Variants in GPC5 observed in about 807,000 individuals in gnomAD.
The protein encoded by GPC5 is glypican 5.
In GPC5, 47 loss-of-function variants were observed where a neutral mutation model predicts 53.9. The ratio of observed to expected loss-of-function variants is 0.87; its 90% CI spans 0.69 to 1.11. GPC5 has a LOEUF of 1.11. Ranked by LOEUF, GPC5 falls within the 50% of genes most tolerant of loss-of-function variation. The probability of loss-of-function intolerance (pLI) is 0.00; values close to 1 mark genes in which losing one functional copy is unlikely to be tolerated. For missense variants in GPC5, 748 were observed against 713.1 expected (o/e 1.05, Z -0.56); for synonymous variants, 286 against 263.3 (o/e 1.09, Z -0.84).
chr13:92,810,409 C>G (rs1319117420), intron 7 of GPC5, among the ~76,000 whole-genome samples: 1 of 151,580 alleles, frequency 6.6e-6, no homozygotes, highest in Non-Finnish European at 1.5e-5. Flanking sequence ...AGAAGACTAC[C>G]CAGAAAATGA....
chr13:91,750,265 T>C (rs73609121), intron 4 of GPC5, among the ~76,000 whole-genome samples: 3,148 of 152,280 alleles, frequency 0.021, 102 homozygotes, highest in African/African-American at 0.071. Context: ...TGAGCAACAT[T>C]TTTCTATTTT....
intron 6 of GPC5, among the ~76,000 whole-genome samples, chr13:91,936,424 C>T (rs180952563): frequency 4.6e-4 from 70 of 152,060 alleles, no homozygotes; most frequent in East Asian, 3.9e-3. Context: ...ACAACATGGC[C>T]GTCTGAGTGC....
At chr13:92,024,934 A>G (rs543097875) in intron 6 of GPC5, among the ~76,000 whole-genome samples, 1 of 152,240 alleles carries the variant, frequency 6.6e-6, no homozygotes, top group African/African-American at 2.4e-5. Flanking sequence ...GGATTTTATT[A>G]AATTTGTGAG....
At chr13:92,398,881 A>G (rs987492972) in intron 7 of GPC5, among the ~76,000 whole-genome samples, 30 of 152,066 alleles carry the variant, frequency 2.0e-4, no homozygotes, top group African/African-American at 7.2e-4. Flanking sequence ...AGCTGAATCT[A>G]CTGCTATAAT....
intron 7 of GPC5, among the ~76,000 whole-genome samples, chr13:92,348,297 CA>C (rs2043444879): frequency 6.6e-6 from 1 of 151,190 alleles, no homozygotes; most frequent in South Asian, 2.1e-4. Context: ...CAAATGAAAA[CA>C]AAAAGAAAAG....
At chr13:92,433,048 TGAA>T (rs1374478954) in intron 7 of GPC5, among the ~76,000 whole-genome samples, 6 of 152,114 alleles carry the variant, frequency 3.9e-5, no homozygotes, top group Admixed American at 1.3e-4. Context: ...AAGCAGTTGT[TGAA>T]GGAGAATGAG....
At chr13:92,402,847 G>T (rs1208387538) in intron 7 of GPC5, among the ~76,000 whole-genome samples, 3 of 152,134 alleles carry the variant, frequency 2.0e-5, no homozygotes, top group African/African-American at 7.2e-5. Flanking sequence ...TGCCATAGAT[G>T]ACTCATAGGG....
chr13:91,680,669 A>G (rs1566604689), intron 2 of GPC5, among the ~76,000 whole-genome samples: 1 of 152,218 alleles, frequency 6.6e-6, no homozygotes, highest in Non-Finnish European at 1.5e-5. Flanking sequence ...ATCAAAGAAC[A>G]ATGTTAACAA....
chr13:91,572,110 CAT>C lies in GPC5; in HGVS notation c.326-121076_326-121075del, dbSNP rs1295929164. Among the ~76,000 whole-genome samples the C allele has an allele frequency of 1.4e-3, 151 of 105,978 alleles. 6 individuals are homozygous for C. The highest frequency in any genetic ancestry group is 6.5e-3 in the African/African-American group (145 of 22,426). The allele number at this position is 105,978 out of a possible 152,430, so 69.5% of individuals were successfully genotyped here. A position where few individuals can be genotyped will look rare whatever the true frequency, so the allele number is the denominator to read the frequency against. ...ATGTACATGTGTGTGTATATACACA[CAT>C]GTATATATACGTGTGTATATACACA... On this transcript the variant is annotated intron_variant, in intron 2 of 7. Coordinates refer to ENST00000377067, the MANE Select transcript of GPC5 (RefSeq NM_004466.6).
At chr13:92,785,431 T>C (rs529795057) in intron 7 of GPC5, among the ~76,000 whole-genome samples, 42 of 152,288 alleles carry the variant, frequency 2.8e-4, no homozygotes, top group African/African-American at 9.6e-4. Flanking sequence ...TAGATTTCCA[T>C]AGAAGAAGGT....
intron 7 of GPC5, among the ~76,000 whole-genome samples, chr13:92,538,297 T>C (rs1456630812): frequency 6.6e-6 from 1 of 151,342 alleles, no homozygotes; most frequent in Non-Finnish European, 1.5e-5. Context: ...CTTTCTTCCC[T>C]TCTCTTTCCT....
chr13:91,615,285 G>A (rs566458720), intron 2 of GPC5, among the ~76,000 whole-genome samples: 2 of 152,182 alleles, frequency 1.3e-5, no homozygotes, highest in East Asian at 3.9e-4. Flanking sequence ...TTTGTATATG[G>A]CACAAGATAA....
chr13:92,335,286 C>T (rs143029063), intron 7 of GPC5, among the ~76,000 whole-genome samples: 154 of 152,268 alleles, frequency 1.0e-3, no homozygotes, highest in African/African-American at 3.3e-3. Context: ...GGGGCTTGAA[C>T]CATTTGAAGC....
intron 7 of GPC5, among the ~76,000 whole-genome samples, chr13:92,657,033 A>G (rs1221867794): frequency 1.3e-5 from 2 of 152,248 alleles, no homozygotes; most frequent in East Asian, 3.8e-4. Context: ...CAATTAAAAA[A>G]GAAATGAAAT....
intron 7 of GPC5, among the ~76,000 whole-genome samples, chr13:92,838,480 G>C (rs111275350): frequency 0.16 from 22,054 of 136,424 alleles, 1,865 homozygotes; most frequent in East Asian, 0.29. Context: ...GAGACTCCGC[G>C]CCCCCCCCAA....
chr13:92,694,329 A>T (rs1186069593), intron 7 of GPC5, among the ~76,000 whole-genome samples: 1 of 152,140 alleles, frequency 6.6e-6, no homozygotes, highest in Non-Finnish European at 1.5e-5. Context: ...TCCAGACCCC[A>T]CCAACAGCTT....
chr13:91,707,764 A>G (rs777877005), intron 3 of GPC5, among the ~76,000 whole-genome samples: 5 of 152,170 alleles, frequency 3.3e-5, no homozygotes, highest in Non-Finnish European at 7.3e-5. Context: ...CAAAAAGTTA[A>G]ATTGAGAGCT....
At chr13:91,525,983 A>G (rs557089426) in intron 2 of GPC5, among the ~76,000 whole-genome samples, 14 of 152,310 alleles carry the variant, frequency 9.2e-5, no homozygotes, top group African/African-American at 3.4e-4. Context: ...CAAGAAATAG[A>G]GTATTCTGCT....
chr13:92,103,549 A>G (rs924475974), intron 6 of GPC5, among the ~76,000 whole-genome samples: 4 of 152,106 alleles, frequency 2.6e-5, no homozygotes, highest in African/African-American at 7.2e-5. Context: ...GTTTTTTGCA[A>G]TGCTGGTAAA....
Sources: gnomAD v4.1 joint callset for allele counts (sites outside exome capture counted in the v4.1 genomes callset) on GRCh38, gnomAD v4.1.1 for gene constraint, MANE v1.5 for transcripts, NCBI Gene and HGNC (gene_info 2026-07-23, HGNC 2026-07-21) for gene names.